The following LEPROTL1 variants were observed in gnomAD, a reference collection of about 807,000 sequenced individuals.
LEPROTL1 encodes the protein leptin receptor overlapping transcript-like 1.
A neutral mutation model predicts 15.4 loss-of-function variants in LEPROTL1; 6 were observed. The ratio of observed to expected loss-of-function variants is 0.39; its 90% CI spans 0.21 to 0.77. LEPROTL1 has a LOEUF of 0.77. LEPROTL1 is among the 30% of genes least tolerant of loss of function. The probability of loss-of-function intolerance (pLI) is 0.41; values close to 1 mark genes in which losing one functional copy is unlikely to be tolerated. For synonymous variants in LEPROTL1, 56 were observed against 52.6 expected, an observed-to-expected ratio of 1.06 and a Z score of -0.28; for missense variants, 128 against 158.1, an observed-to-expected ratio of 0.81 and a Z score of 1.02.
At chr8:30,117,438 A>G (rs971229424) in intron 3 of LEPROTL1, 7 of 1,532,946 alleles carry the variant, frequency 4.6e-6, no homozygotes, top group African/African-American at 1.4e-5. Context: ...TTGCTTCTTC[A>G]TGGTCCATGA....
Position 30,106,587 on chromosome 8 carries a change from AAC to A in LEPROTL1, c.*727_*728del, listed in dbSNP as rs1254791647. ...TTAAACTTTAAGGTAAGGGTGTAAA[AAC>A]ATTTTTGAGATAAGGTTTTTATTTA... is the stretch of plus-strand genomic sequence containing the variant. On this transcript the variant is annotated 3_prime_UTR_variant, in exon 4 of 4. Coordinates refer to ENST00000321250, the MANE Select transcript of LEPROTL1 (RefSeq NM_015344.3). The A allele has an allele frequency of 6.1e-6, 6 of 984,170 alleles. No individual in the cohort carries two copies. Among genetic ancestry groups the A allele is most frequent in the Non-Finnish European group, 7.2e-6 (6 of 828,538 alleles). 61.0% of individuals were successfully genotyped at this position (984,170 alleles called of 1,614,324 possible). A position where few individuals can be genotyped will look rare whatever the true frequency, so the allele number is the denominator to read the frequency against.
At chr8:30,109,751 GT>G (rs1486681836), downstream of LEPROTL1, among the ~76,000 whole-genome samples, 2 of 152,108 alleles carry the variant, frequency 1.3e-5, no homozygotes, top group Non-Finnish European at 2.9e-5. Flanking sequence ...AATCAATTAT[GT>G]AACATTTCTG....
At chr8:30,104,966 GGCC>G (rs1802538196) in intron 3 of LEPROTL1, 1 of 152,604 alleles carries the variant, frequency 6.6e-6, no homozygotes, top group Admixed American at 6.5e-5. Context: ...CGTCCGCCTC[GGCC>G]TCCCAAAGTG....
chr8:30,124,015 A>G lies in LEPROTL1; in HGVS notation c.280-8360A>G, dbSNP rs151271455. 9.2e-3 allele frequency among the ~76,000 whole-genome samples: 1,386 copies of G among 151,242 alleles called. 10 individuals are homozygous for G. The highest frequency in any genetic ancestry group is 0.024 in the Middle Eastern group (7 of 292). On this transcript the variant is annotated intron_variant, in intron 3 of 4. Coordinates refer to the LEPROTL1 transcript ENST00000442880. ...TTTTTTTCCAGAAGATAGCAAGGCCATTGTACCTGGAGTGCAGTGAAGAAG... is the reference window on the plus strand; with the variant it reads ...TTTTTTTCCAGAAGATAGCAAGGCCGTTGTACCTGGAGTGCAGTGAAGAAG...
At chr8:30,115,812 G>T (rs896877354) in intron 3 of LEPROTL1, among the ~76,000 whole-genome samples, 4 of 151,946 alleles carry the variant, frequency 2.6e-5, no homozygotes, top group Non-Finnish European at 4.4e-5. Flanking sequence ...ATTTGGCAAA[G>T]ATCTATAAAA....
chr8:30,128,549 G>A (rs867563082), intron 3 of LEPROTL1, among the ~76,000 whole-genome samples: 1 of 151,890 alleles, frequency 6.6e-6, no homozygotes. Flanking sequence ...TCACGAATTC[G>A]AGACCAGCCT....
intron 2 of LEPROTL1, among the ~76,000 whole-genome samples, chr8:30,103,737 G>C (rs1380964948): frequency 7.0e-6 from 1 of 142,114 alleles, no homozygotes; most frequent in Admixed American, 7.1e-5. Flanking sequence ...GCGAGACTCT[G>C]TCTCAAAAAA....
At chr8:30,129,671 C>T (rs1417694501) in intron 3 of LEPROTL1, among the ~76,000 whole-genome samples, 1 of 151,550 alleles carries the variant, frequency 6.6e-6, no homozygotes, top group Non-Finnish European at 1.5e-5. Context: ...CACCACTGCA[C>T]ACCACTGCAC....
Position 30,107,990 on chromosome 8 carries a change from T to G in LEPROTL1, c.*2128T>G. ...TGAGATATGAATTTTCCATAGAATATGCACTGATACAATATTACCATTCTT... is the reference window on the plus strand; with the variant it reads ...TGAGATATGAATTTTCCATAGAATAGGCACTGATACAATATTACCATTCTT... On this transcript the variant is annotated 3_prime_UTR_variant, in exon 4 of 4. Coordinates refer to ENST00000321250, the MANE Select transcript of LEPROTL1 (RefSeq NM_015344.3). The G allele has an allele frequency of 1.0e-6, 1 of 970,642 alleles. No individual in the cohort carries two copies. Among genetic ancestry groups the G allele is most frequent in the East Asian group, 1.1e-4 (1 of 8,750 alleles). The allele number at this position is 970,642 out of a possible 1,614,324, so 60.1% of individuals were successfully genotyped here.
At chr8:30,132,034 C>CAG in intron 3 of LEPROTL1, 2 of 1,551,804 alleles carry the variant, frequency 1.3e-6, no homozygotes, top group Non-Finnish European at 1.7e-6. Flanking sequence ...ACAGAGCAAC[C>CAG]AGAGAGAGGA....
intron 2 of LEPROTL1, 43 bp downstream of exon 2, chr8:30,102,016 T>G (rs1453359687): frequency 1.5e-6 from 2 of 1,294,518 alleles, no homozygotes; most frequent in Admixed American, 4.3e-5. Flanking sequence ...AGGGTAAAAT[T>G]TTTCTACTTT....
chr8:30,112,625 C>T (rs746655099), downstream of LEPROTL1, among the ~76,000 whole-genome samples: 8 of 151,780 alleles, frequency 5.3e-5, no homozygotes, highest in Non-Finnish European at 1.0e-4. Context: ...ATAGGGGCTA[C>T]ATACCAGGTT....
intron 3 of LEPROTL1, among the ~76,000 whole-genome samples, chr8:30,131,453 C>A (rs1275981840): frequency 1.3e-5 from 2 of 151,782 alleles, no homozygotes; most frequent in Non-Finnish European, 2.9e-5. Flanking sequence ...CTGCACCTGG[C>A]CCAAATTTCC....
chr8:30,108,927 G>A (rs1424612208), downstream of LEPROTL1, among the ~76,000 whole-genome samples: 1 of 152,108 alleles, frequency 6.6e-6, no homozygotes, highest in Non-Finnish European at 1.5e-5. Context: ...ACCACGCCTG[G>A]CTAATTTTCG....
At chr8:30,114,920 G>A (rs1435445706) in intron 3 of LEPROTL1, among the ~76,000 whole-genome samples, 1 of 152,098 alleles carries the variant, frequency 6.6e-6, no homozygotes, top group Non-Finnish European at 1.5e-5. Flanking sequence ...CCCTTTCATT[G>A]CCGGAGCAAG....
chr8:30,097,527 G>T (rs942904901), intron 1 of LEPROTL1, among the ~76,000 whole-genome samples: 1 of 151,840 alleles, frequency 6.6e-6, no homozygotes, highest in East Asian at 1.9e-4. Flanking sequence ...AAAAAAATTA[G>T]CTGGGCATGG....
downstream of LEPROTL1, among the ~76,000 whole-genome samples, chr8:30,111,938 T>C (rs947805972): frequency 2.6e-5 from 4 of 152,066 alleles, no homozygotes; most frequent in Non-Finnish European, 5.9e-5. Context: ...CATGGAGATA[T>C]AAAAAGTGGT....
chr8:30,127,476 G>A (rs548738009), intron 3 of LEPROTL1, among the ~76,000 whole-genome samples: 2 of 152,174 alleles, frequency 1.3e-5, no homozygotes, highest in Admixed American at 6.5e-5. Context: ...CTTGTCCAAG[G>A]CTACTGCCTG....
At chr8:30,117,580 T>A (rs1802760794) in intron 3 of LEPROTL1, 15 of 1,411,714 alleles carry the variant, frequency 1.1e-5, no homozygotes, top group South Asian at 8.0e-5. Context: ...AGCCTGTCTG[T>A]GAGGTTCACA....
Sources: gnomAD v4.1 joint callset for allele counts (sites outside exome capture counted in the v4.1 genomes callset) on GRCh38, gnomAD v4.1.1 for gene constraint, MANE v1.5 for transcripts, NCBI Gene and HGNC (gene_info 2026-07-23, HGNC 2026-07-21) for gene names.